Variants in NOS1AP observed in about 807,000 individuals in gnomAD.
The protein encoded by NOS1AP is carboxyl-terminal PDZ ligand of neuronal nitric oxide synthase protein.
Under a neutral mutation model 56.2 loss-of-function variants are expected in NOS1AP, and 21 were observed. The observed-to-expected ratio is 0.37, with a 90% CI of 0.26 to 0.54. The LOEUF is 0.54. Among genes scored for constraint, NOS1AP ranks in the 20% least tolerant of loss-of-function variants. The probability of loss-of-function intolerance (pLI) is 0.84; values close to 1 mark genes in which losing one functional copy is unlikely to be tolerated. For synonymous variants in NOS1AP, 270 were observed against 274.6 expected (o/e 0.98, Z 0.17); for missense variants, 522 against 657.8 (o/e 0.79, Z 2.26).
At chr1:162,328,218 G>A (rs957716291) in intron 4 of NOS1AP, among the ~76,000 whole-genome samples, 3 of 152,144 alleles carry the variant, frequency 2.0e-5, no homozygotes, top group African/African-American at 4.8e-5. Context: ...CAGAGGAGTC[G>A]GAGAGTGGGG....
chr1:162,073,756 G>A (rs1300048366), intron 1 of NOS1AP, among the ~76,000 whole-genome samples: 2 of 152,352 alleles, frequency 1.3e-5, no homozygotes, highest in East Asian at 1.9e-4. Flanking sequence ...CACTGCGCCC[G>A]GCTCAAACTT....
chr1:162,304,147 GAGGAATAGATTAAAGTTC>G (rs773876138), intron 4 of NOS1AP, among the ~76,000 whole-genome samples: 6 of 152,168 alleles, frequency 3.9e-5, no homozygotes, highest in African/African-American at 2.4e-5. Context: ...TATGTGGTAT[GAGGAATAGATTAAAGTTC>G]TCCTTCTCCT....
At chr1:162,258,871 T>C (rs1281071722) in intron 2 of NOS1AP, among the ~76,000 whole-genome samples, 1 of 152,152 alleles carries the variant, frequency 6.6e-6, no homozygotes, top group African/African-American at 2.4e-5. Context: ...TAACAAATAA[T>C]CTTGAGGTTG....
At chr1:162,246,062 C>T (rs773653264) in intron 2 of NOS1AP, among the ~76,000 whole-genome samples, 10 of 152,034 alleles carry the variant, frequency 6.6e-5, no homozygotes, top group African/African-American at 1.2e-4. Flanking sequence ...ACAATTCTAT[C>T]GAAAGAGTAA....
chr1:162,079,878 G>A (rs1272246125), intron 1 of NOS1AP, among the ~76,000 whole-genome samples: 1 of 152,140 alleles, frequency 6.6e-6, no homozygotes, highest in Non-Finnish European at 1.5e-5. Flanking sequence ...TCCTAAAGTT[G>A]CAAATCAGAC....
chr1:162,203,099 A>G (rs1269897879), intron 2 of NOS1AP, among the ~76,000 whole-genome samples: 2 of 152,210 alleles, frequency 1.3e-5, no homozygotes, highest in Non-Finnish European at 2.9e-5. Flanking sequence ...TAGAGAGGCT[A>G]TCAGAGGAAC....
At chr1:162,112,836 A>G (rs1169729955) in intron 1 of NOS1AP, among the ~76,000 whole-genome samples, 1 of 152,250 alleles carries the variant, frequency 6.6e-6, no homozygotes, top group Non-Finnish European at 1.5e-5. Context: ...TATTAGCATT[A>G]TAAGCATGTC....
At chr1:162,347,796 C>T (rs1002830184) in intron 6 of NOS1AP, among the ~76,000 whole-genome samples, 1 of 152,168 alleles carries the variant, frequency 6.6e-6, no homozygotes, top group Non-Finnish European at 1.5e-5. Flanking sequence ...TCCCTGAGCT[C>T]CTTCCTGCCC....
At chr1:162,350,507 C>T (rs950431528) in intron 6 of NOS1AP, among the ~76,000 whole-genome samples, 1 of 152,236 alleles carries the variant, frequency 6.6e-6, no homozygotes, top group Admixed American at 6.5e-5. Context: ...GTGCCCTATA[C>T]TGCTTCTCTG....
At chr1:162,073,461 A>C (rs139903152) in intron 1 of NOS1AP, among the ~76,000 whole-genome samples, 1 of 152,070 alleles carries the variant, frequency 6.6e-6, no homozygotes, top group African/African-American at 2.4e-5. Context: ...ACATTTATTT[A>C]TTTATTTATT....
intron 1 of NOS1AP, among the ~76,000 whole-genome samples, chr1:162,113,286 T>G (rs1000034896): frequency 1.3e-5 from 2 of 152,134 alleles, no homozygotes; most frequent in Non-Finnish European, 2.9e-5. Context: ...CTGGAGGCAG[T>G]CCAGGCATGA....
At chr1:162,302,196 C>T (rs1655686832) in intron 4 of NOS1AP, among the ~76,000 whole-genome samples, 1 of 152,154 alleles carries the variant, frequency 6.6e-6, no homozygotes, top group African/African-American at 2.4e-5. Context: ...TTGCCACTAG[C>T]CTGTTAGGCT....
intron 1 of NOS1AP, among the ~76,000 whole-genome samples, chr1:162,077,351 A>G (rs932732377): frequency 1.3e-5 from 2 of 148,224 alleles, no homozygotes; most frequent in Non-Finnish European, 3.0e-5. Context: ...AGACTCAGAG[A>G]AAAAAAAAAA....
At chr1:162,362,966 A>G in intron 8 of NOS1AP, 1 of 950,290 alleles carries the variant, frequency 1.1e-6, no homozygotes, top group Non-Finnish European at 1.3e-6. Context: ...TTCCTGCTAT[A>G]CTGTCACAAC....
intron 2 of NOS1AP, among the ~76,000 whole-genome samples, chr1:162,190,794 G>A (rs551383696): frequency 2.6e-4 from 39 of 152,098 alleles, no homozygotes; most frequent in Non-Finnish European, 4.7e-4. Flanking sequence ...AGGACCCGCT[G>A]TTCTGCTTTT....
chr1:162,338,842 A>G (rs987727607), intron 5 of NOS1AP: 16 of 152,184 alleles, frequency 1.1e-4, no homozygotes, highest in African/African-American at 3.9e-4. Flanking sequence ...CGGGTGTACA[A>G]CCCACAGTGA....
At chr1:162,131,907 C>T (rs1178130652) in intron 1 of NOS1AP, among the ~76,000 whole-genome samples, 1 of 152,184 alleles carries the variant, frequency 6.6e-6, no homozygotes, top group African/African-American at 2.4e-5. Context: ...ATCTTTAGGC[C>T]TCTTAACTGT....
intron 4 of NOS1AP, among the ~76,000 whole-genome samples, chr1:162,328,582 T>G (rs1656665545): frequency 6.6e-6 from 1 of 152,062 alleles, no homozygotes; most frequent in South Asian, 2.1e-4. Flanking sequence ...CTAGCATGAG[T>G]GAGGTACAGC....
intron 2 of NOS1AP, among the ~76,000 whole-genome samples, chr1:162,256,353 G>T (rs1297641176): frequency 6.6e-6 from 1 of 152,116 alleles, no homozygotes; most frequent in East Asian, 1.9e-4. Context: ...TGGCTTCTGG[G>T]CTGAACTTAA....
Sources: gnomAD v4.1 joint callset for allele counts (sites outside exome capture counted in the v4.1 genomes callset) on GRCh38, gnomAD v4.1.1 for gene constraint, MANE v1.5 for transcripts, NCBI Gene and HGNC (gene_info 2026-07-23, HGNC 2026-07-21) for gene names.